The following TOM1L1 variants were observed in gnomAD, a reference collection of about 807,000 sequenced individuals.
TOM1L1 encodes TOM1-like protein 1.
Under a neutral mutation model 63.4 loss-of-function variants are expected in TOM1L1, and 64 were observed. That is an observed-to-expected ratio of 1.01 (90% confidence interval 0.83 to 1.24). The LOEUF (loss-of-function observed/expected upper bound fraction) is 1.24, where lower values mean the gene tolerates loss of function less well. Ranked by LOEUF, TOM1L1 falls within the 50% of genes most tolerant of loss-of-function variation. The probability of loss-of-function intolerance (pLI) is 0.00; values close to 1 mark genes in which losing one functional copy is unlikely to be tolerated. For synonymous variants in TOM1L1, 166 were observed against 194.4 expected, an observed-to-expected ratio of 0.85 and a Z score of 1.22; for missense variants, 536 against 567.0, an observed-to-expected ratio of 0.95 and a Z score of 0.55.
chr17:54,936,608 A>G (rs2048950537), intron 8 of TOM1L1, 41 bp from the exon 9 acceptor site: 2 of 1,513,712 alleles, frequency 1.3e-6, no homozygotes, highest in East Asian at 2.3e-5. Flanking sequence ...GCATTTTCAT[A>G]TATTTTTTTA....
At chr17:54,929,741 G>GGTTTT (rs1555610158) in intron 7 of TOM1L1, among the ~76,000 whole-genome samples, 9 of 142,014 alleles carry the variant, frequency 6.3e-5, no homozygotes, top group African/African-American at 1.3e-4. Context: ...AAAAACATGT[G>GGTTTT]TTTTTTTTTT....
intron 7 of TOM1L1, among the ~76,000 whole-genome samples, chr17:54,929,742 T>G (rs1188412607): frequency 1.9e-4 from 6 of 31,268 alleles, no homozygotes; most frequent in Non-Finnish European, 2.7e-4. Context: ...AAAACATGTG[T>G]TTTTTTTTTT....
At chr17:54,931,549 C>T (rs538875290) in intron 8 of TOM1L1, among the ~76,000 whole-genome samples, 3 of 152,222 alleles carry the variant, frequency 2.0e-5, no homozygotes, top group South Asian at 2.1e-4. Flanking sequence ...CCTGTAATCC[C>T]AGCACCTTGG....
Position 54,920,978 on chromosome 17 carries a change from C to T in TOM1L1, c.720+5116C>T, listed in dbSNP as rs76600987. Among the ~76,000 whole-genome samples the T allele has an allele frequency of 2.0e-3, 300 of 152,210 alleles. 1 individual carries two copies. The highest frequency in any genetic ancestry group is 3.4e-3 in the Non-Finnish European group (232 of 68,010). On this transcript the variant is annotated intron_variant, in intron 7 of 15. Transcript: ENST00000575882. ...GCTGACATGATTTGGCTTGCCATCT[C>T]GCTTTGTGGGGCTGAGGTTTTTCTG...
chr17:54,901,231 A>G (rs1253809041), intron 1 of TOM1L1: 2 of 437,182 alleles, frequency 4.6e-6, no homozygotes, highest in African/African-American at 3.9e-5. Context: ...ACGAGGAGAC[A>G]CCAGAAACTT....
At chr17:54,935,806 T>G (rs1598038751) in intron 8 of TOM1L1, among the ~76,000 whole-genome samples, 1 of 152,062 alleles carries the variant, frequency 6.6e-6, no homozygotes, top group East Asian at 1.9e-4. Context: ...AATTTTTTGG[T>G]ATGTGTTAAG....
At position 54,903,608 on chromosome 17, in the gene TOM1L1, C is replaced by T. The variant is rs563199863; in HGVS notation, c.59-100C>T. 7.4e-6 allele frequency: 8 copies of T among 1,075,900 alleles called. No individual in the cohort carries two copies. The African/African-American group carries it at 1.2e-4, about 17-fold the overall frequency. 66.6% of individuals were successfully genotyped at this position (1,075,900 alleles called of 1,614,324 possible). On this transcript the variant is annotated intron_variant, in intron 1 of 15. Transcript: ENST00000575882. ...TCACTTTGCCCTTTGGCAATGTAAA[C>T]TTAATGACACTTGCTGGTGCAGCCT... is the stretch of plus-strand genomic sequence containing the variant.
At chr17:54,920,177 G>C (rs147517558) in intron 7 of TOM1L1, among the ~76,000 whole-genome samples, 1 of 152,104 alleles carries the variant, frequency 6.6e-6, no homozygotes, top group Non-Finnish European at 1.5e-5. Flanking sequence ...AACTGCAGGG[G>C]CTTTTGGAGG....
intron 2 of TOM1L1, 22 bp downstream of exon 2, chr17:54,903,814 T>C: frequency 5.6e-6 from 9 of 1,601,460 alleles, no homozygotes; most frequent in Non-Finnish European, 6.8e-6. Flanking sequence ...ATGGTTTCCA[T>C]GTATTTGCCT....
chr17:54,957,849 C>T (rs1185848824), intron 14 of TOM1L1: 2 of 152,204 alleles, frequency 1.3e-5, no homozygotes, highest in Middle Eastern at 3.2e-3. Context: ...AAGAAACATG[C>T]TCCCTTGTCC....
At chr17:54,918,695 A>G (rs2048632218) in intron 7 of TOM1L1, among the ~76,000 whole-genome samples, 1 of 152,186 alleles carries the variant, frequency 6.6e-6, no homozygotes, top group Non-Finnish European at 1.5e-5. Context: ...ACAACTTAAG[A>G]GAGTATTTCT....
chr17:54,945,367 C>G (rs1598050586), intron 11 of TOM1L1, among the ~76,000 whole-genome samples: 2 of 152,146 alleles, frequency 1.3e-5, no homozygotes, highest in South Asian at 4.1e-4. Context: ...GGGGGGCCAC[C>G]ATTTAACCCA....
At chr17:54,917,382 C>T (rs1429926864) in intron 7 of TOM1L1, 1 of 152,050 alleles carries the variant, frequency 6.6e-6, no homozygotes, top group Non-Finnish European at 1.5e-5. Flanking sequence ...ATGTATTTCT[C>T]TAAAACTTGT....
Position 54,949,578 on chromosome 17 carries a change from G to C in TOM1L1, c.1243G>C (p.Ala415Pro). The C allele has an allele frequency of 1.2e-6, 2 of 1,613,984 alleles. No homozygotes were observed. Among genetic ancestry groups the C allele is most frequent in the Non-Finnish European group, 1.7e-6 (2 of 1,179,942 alleles). ...QPVSLQTIAA[A>P]PSNQSLPPLP... ...AGTTAGTCTACAAACCATTGCAGCA[G>C]CACCATCAAACCAGAGTCTGCCACC... Residue 415 changes from alanine to proline, a missense_variant, in exon 13 of 16, where the codon GCA (alanine) becomes CCA (proline). Ala to Pro is a conservative substitution (Grantham distance 27, BLOSUM62 -1). Coordinates refer to ENST00000575882, the MANE Select transcript of TOM1L1 (RefSeq NM_005486.3).
intron 8 of TOM1L1, among the ~76,000 whole-genome samples, chr17:54,931,956 T>TTTG (rs113699110): frequency 0.15 from 20,096 of 130,194 alleles, 1,806 homozygotes; most frequent in East Asian, 0.36. Flanking sequence ...TTCGTTTTTT[T>TTTG]TTTGTTTGTT....
At chr17:54,921,466 G>A (rs1246221545) in intron 7 of TOM1L1, among the ~76,000 whole-genome samples, 3 of 152,112 alleles carry the variant, frequency 2.0e-5, no homozygotes, top group South Asian at 2.1e-4. Context: ...AGGGCCCGGC[G>A]TGGTGGCTCA....
chr17:54,907,415 A>G (rs2048429921), intron 3 of TOM1L1, among the ~76,000 whole-genome samples: 2 of 152,218 alleles, frequency 1.3e-5, no homozygotes, highest in Non-Finnish European at 2.9e-5. Context: ...AGCATAGGCA[A>G]GATTTGATCC....
intron 12 of TOM1L1, among the ~76,000 whole-genome samples, chr17:54,948,313 C>T (rs1339946614): frequency 6.6e-6 from 1 of 152,074 alleles, no homozygotes; most frequent in Non-Finnish European, 1.5e-5. Context: ...TTATGTCACT[C>T]ATTTGCTCAA....
chr17:54,961,280 C>A lies in TOM1L1; in HGVS notation c.*47C>A, dbSNP rs1440319786. ...CACTACCACATCAAAGGTGCCAACT[C>A]TCTAAAACGTAGACTCTGTGCAGCT... On this transcript the variant is annotated 3_prime_UTR_variant, in exon 16 of 16. Transcript: ENST00000575882. 9.0e-6 allele frequency: 14 copies of A among 1,551,406 alleles called. No individual in the cohort carries two copies. The highest frequency in any genetic ancestry group is 1.2e-5 in the Non-Finnish European group (14 of 1,146,894).
Sources: allele counts gnomAD v4.1 joint callset (sites outside exome capture counted in the v4.1 genomes callset), GRCh38; gene constraint gnomAD v4.1.1; transcripts MANE v1.5; gene names NCBI Gene and HGNC (gene_info 2026-07-23, HGNC 2026-07-21).